Variants in EBF1 observed in about 807,000 individuals in gnomAD.
EBF1 encodes transcription factor COE1.
A neutral mutation model predicts 68.4 loss-of-function variants in EBF1; 10 were observed. The ratio of observed to expected loss-of-function variants is 0.15; its 90% CI spans 0.09 to 0.25. EBF1 has a LOEUF of 0.25. EBF1 is among the 10% of genes least tolerant of loss of function. The pLI is 1.00. For missense variants in EBF1, 509 were observed against 794.4 expected (o/e 0.64, Z 4.32); for synonymous variants, 298 against 299.8 (o/e 0.99, Z 0.06).
intron 8 of EBF1, among the ~76,000 whole-genome samples, chr5:158,812,061 T>C (rs1016061779): frequency 1.3e-5 from 2 of 152,200 alleles, no homozygotes; most frequent in Non-Finnish European, 2.9e-5. Context: ...ATTTGTCTAA[T>C]ATCGGCACAT....
chr5:159,027,697 AC>A (rs1196523222), intron 6 of EBF1, among the ~76,000 whole-genome samples: 7 of 152,216 alleles, frequency 4.6e-5, no homozygotes, highest in Admixed American at 2.0e-4. Flanking sequence ...ACTTCTCAGC[AC>A]TGTGTAGCAG....
intron 8 of EBF1, among the ~76,000 whole-genome samples, chr5:158,803,663 A>G (rs1246546285): frequency 6.6e-6 from 1 of 151,690 alleles, no homozygotes; most frequent in African/African-American, 2.4e-5. Context: ...ATAAACAAAT[A>G]AACTCAGCCA....
intron 8 of EBF1, among the ~76,000 whole-genome samples, chr5:158,800,055 C>T (rs759119038): frequency 5.9e-5 from 9 of 151,936 alleles, no homozygotes; most frequent in South Asian, 2.1e-4. Flanking sequence ...ATGTTCATTG[C>T]GGTATTGACA....
At chr5:158,936,104 T>A (rs374267055) in intron 6 of EBF1, among the ~76,000 whole-genome samples, 2 of 152,220 alleles carry the variant, frequency 1.3e-5, no homozygotes, top group Non-Finnish European at 2.9e-5. Context: ...GCATGTTCCC[T>A]AGGTGTCTGA....
intron 6 of EBF1, among the ~76,000 whole-genome samples, chr5:158,918,209 CT>C (rs1341534446): frequency 3.9e-5 from 6 of 152,212 alleles, no homozygotes; most frequent in African/African-American, 1.4e-4. Context: ...ACTGGAAACT[CT>C]TTCAGTCTTC....
At position 158,903,111 on chromosome 5, in the gene EBF1, A is replaced by AT. The variant is rs535048435; in HGVS notation, c.555-63002dup. Among the ~76,000 whole-genome samples, 9 of 152,292 alleles carry AT rather than the reference A, an allele frequency of 5.9e-5. No homozygotes were observed. The South Asian group carries it at 1.2e-3, about 21-fold the overall frequency. On this transcript the variant is annotated intron_variant, in intron 6 of 15. Transcript: ENST00000313708. ...GAGACTCCAGTATAAAGGGGGAAAA[A>AT]TTCTGCAAGGCTTTGGCTGTCAATG... is the stretch of plus-strand genomic sequence containing the variant.
chr5:158,776,489 T>C (rs1341436379), intron 10 of EBF1, among the ~76,000 whole-genome samples: 1 of 152,186 alleles, frequency 6.6e-6, no homozygotes, highest in African/African-American at 2.4e-5. Flanking sequence ...ACTGCTCTGT[T>C]ATCTCTTTGT....
intron 7 of EBF1, among the ~76,000 whole-genome samples, chr5:158,838,641 T>C (rs1789427628): frequency 6.6e-6 from 1 of 152,160 alleles, no homozygotes; most frequent in South Asian, 2.1e-4. Flanking sequence ...TCTTGGAGAC[T>C]AAGAGATATT....
intron 8 of EBF1, among the ~76,000 whole-genome samples, chr5:158,814,620 A>C (rs1783364108): frequency 6.6e-6 from 1 of 152,208 alleles, no homozygotes; most frequent in Non-Finnish European, 1.5e-5. Context: ...CATGAGGTTT[A>C]CAAACTCTTC....
chr5:158,941,107 T>C (rs758147420), intron 6 of EBF1: 15 of 441,682 alleles, frequency 3.4e-5, no homozygotes, highest in Admixed American at 9.7e-5. Flanking sequence ...ACCAGCTGTA[T>C]TGGGGTGGAC....
chr5:158,774,087 A>G (rs956492579), intron 10 of EBF1, among the ~76,000 whole-genome samples: 1 of 152,192 alleles, frequency 6.6e-6, no homozygotes, highest in Non-Finnish European at 1.5e-5. Flanking sequence ...AGTGCTATTG[A>G]GCTTTTCTGC....
In EBF1 at chr5:159,041,098, A is replaced by T. The variant is rs17056474; in HGVS notation, c.554+32298T>A. Among the ~76,000 whole-genome samples, 36 of 152,260 alleles carry T rather than the reference A, an allele frequency of 2.4e-4. No individual in the cohort carries two copies. In the South Asian group the frequency reaches 7.5e-3, roughly 32 times the overall value. ...AGACTTACAATCCACAGTTCAGTACACCACAATTTGGTACCCATCGTCACA... is the reference window on the plus strand; with the variant it reads ...AGACTTACAATCCACAGTTCAGTACTCCACAATTTGGTACCCATCGTCACA... On this transcript the variant is annotated intron_variant, in intron 6 of 15. Transcript: ENST00000313708.
At position 158,832,417 on chromosome 5, in the gene EBF1, C is replaced by T. The variant is rs77264115; in HGVS notation, c.636+7612G>A. Among the ~76,000 whole-genome samples, 4 of 152,288 alleles carry T rather than the reference C, an allele frequency of 2.6e-5. No individual in the cohort carries two copies. The East Asian group carries it at 5.8e-4, about 22-fold the overall frequency. ...TATTTACCATGTTATGTGACTTAAT[C>T]CTGTATTCTGAAACTATCATTAGAG... On this transcript the variant is annotated intron_variant, in intron 7 of 15. Coordinates refer to ENST00000313708, the MANE Select transcript of EBF1 (RefSeq NM_024007.5).
At chr5:158,914,944 G>A (rs920253194) in intron 6 of EBF1, among the ~76,000 whole-genome samples, 2 of 152,114 alleles carry the variant, frequency 1.3e-5, no homozygotes, top group African/African-American at 2.4e-5. Context: ...AATGCCGTCT[G>A]TTCTAAATGA....
In EBF1 at chr5:158,777,551, A is replaced by AT; in HGVS notation, c.910-13dup. 6.3e-7 allele frequency: 1 copy of AT among 1,586,396 alleles called. No homozygotes were observed. Among genetic ancestry groups the AT allele is most frequent in the Non-Finnish European group, 8.6e-7 (1 of 1,165,224 alleles). Reference sequence around the variant, plus strand: ...TGAGGAGTGATCAACTGGAGGAGACATTTGGGGGGAAAAATTGTCATTGCA... The same window carrying AT: ...TGAGGAGTGATCAACTGGAGGAGACATTTTGGGGGGAAAAATTGTCATTGCA... On this transcript the variant is annotated splice_polypyrimidine_tract_variant and intron_variant, in intron 9 of 15. Coordinates refer to ENST00000313708, the MANE Select transcript of EBF1 (RefSeq NM_024007.5).
chr5:158,755,881 C>G (rs1242017546), intron 10 of EBF1, among the ~76,000 whole-genome samples: 1 of 152,098 alleles, frequency 6.6e-6, no homozygotes, highest in East Asian at 1.9e-4. Flanking sequence ...GGTGAAAGAT[C>G]ACCTATGATT....
At chr5:159,082,530 C>G (rs758619006) in intron 5 of EBF1, among the ~76,000 whole-genome samples, 1 of 152,146 alleles carries the variant, frequency 6.6e-6, no homozygotes, top group Non-Finnish European at 1.5e-5. Flanking sequence ...GGTGCAAATT[C>G]AGCACATCCC....
intron 6 of EBF1, among the ~76,000 whole-genome samples, chr5:159,050,878 C>T (rs1253923778): frequency 6.6e-6 from 1 of 152,154 alleles, no homozygotes; most frequent in Non-Finnish European, 1.5e-5. Context: ...AAAAGAAAAC[C>T]TCAGGTCTGA....
intron 8 of EBF1, among the ~76,000 whole-genome samples, chr5:158,820,158 G>A (rs1245261766): frequency 2.0e-5 from 3 of 151,142 alleles, no homozygotes; most frequent in Non-Finnish European, 4.4e-5. Flanking sequence ...CAGGCTACCT[G>A]TAAATTAGAT....
Sources: allele counts gnomAD v4.1 joint callset (sites outside exome capture counted in the v4.1 genomes callset), GRCh38; gene constraint gnomAD v4.1.1; transcripts MANE v1.5; gene names NCBI Gene and HGNC (gene_info 2026-07-23, HGNC 2026-07-21).